Variants in LRP6 observed in about 807,000 individuals in gnomAD.
LRP6 encodes low-density lipoprotein receptor-related protein 6.
Under a neutral mutation model 184.1 loss-of-function variants are expected in LRP6, and 43 were observed. The ratio of observed to expected loss-of-function variants is 0.23; its 90% CI spans 0.18 to 0.30. LRP6 has a LOEUF of 0.30. Among genes scored for constraint, LRP6 ranks in the 10% least tolerant of loss-of-function variants. LRP6 has a pLI of 1.00. For missense variants in LRP6, 1,571 were observed against 2,005.3 expected (o/e 0.78, Z 4.14); for synonymous variants, 719 against 684.9 (o/e 1.05, Z -0.78).
intron 2 of LRP6, among the ~76,000 whole-genome samples, chr12:12,209,233 T>C (rs1864144385): frequency 1.3e-5 from 2 of 152,190 alleles, no homozygotes; most frequent in African/African-American, 4.8e-5. Flanking sequence ...TTTAGGTAGG[T>C]TTCCTAACTG....
Position 12,120,053 on chromosome 12 carries a change from G to A in LRP6, c.*1073C>T, listed in dbSNP as rs1269191105. On this transcript the variant is annotated 3_prime_UTR_variant, in exon 23 of 23. Coordinates refer to ENST00000261349, the MANE Select transcript of LRP6 (RefSeq NM_002336.3). ...TATATATATATATATAAATGATTTC[G>A]TACTGTGATATATGCTGAAAGTAGT... 1.1e-4 allele frequency: 11 copies of A among 99,196 alleles called. No individual in the cohort carries two copies. The highest frequency in any genetic ancestry group is 3.8e-4 in the South Asian group (1 of 2,666). The allele number at this position is 99,196 out of a possible 1,614,324, so 6.1% of individuals were successfully genotyped here. A position where few individuals can be genotyped will look rare whatever the true frequency, so the allele number is the denominator to read the frequency against.
At chr12:12,151,174 T>G (rs1300253925) in intron 12 of LRP6, 136 bp from the exon 13 acceptor site, 1 of 791,692 alleles carries the variant, frequency 1.3e-6, no homozygotes, top group African/African-American at 1.7e-5. Context: ...GAGGACAAAA[T>G]TCTTTGGCAT....
At chr12:12,256,889 C>T (rs1298853566) in intron 1 of LRP6, among the ~76,000 whole-genome samples, 1 of 152,186 alleles carries the variant, frequency 6.6e-6, no homozygotes, top group Admixed American at 6.5e-5. Flanking sequence ...ATCAAACCCA[C>T]ACTCATTTGA....
At chr12:12,179,691 G>T (rs879499654) in intron 7 of LRP6, 119 bp downstream of exon 7, 2 of 1,007,050 alleles carry the variant, frequency 2.0e-6, no homozygotes, top group Non-Finnish European at 3.0e-6. Flanking sequence ...TCTGTAAAAG[G>T]TACCTTTGGC....
At chr12:12,240,966 C>CT (rs1865050375) in intron 2 of LRP6, among the ~76,000 whole-genome samples, 2 of 152,032 alleles carry the variant, frequency 1.3e-5, no homozygotes, top group African/African-American at 4.8e-5. Context: ...CTGTATACTG[C>CT]TAGTCATTAT....
chr12:12,187,196 A>G, intron 3 of LRP6, 77 bp from the exon 4 acceptor site: 1 of 1,222,698 alleles, frequency 8.2e-7, no homozygotes, highest in Non-Finnish European at 1.2e-6. Context: ...CTCCCATTAA[A>G]ATGATCTTAG....
At chr12:12,245,067 T>C (rs554333362) in intron 1 of LRP6, among the ~76,000 whole-genome samples, 1 of 152,172 alleles carries the variant, frequency 6.6e-6, no homozygotes, top group Non-Finnish European at 1.5e-5. Context: ...TCCAAGGCAA[T>C]AGCTAGATAC....
intron 3 of LRP6, among the ~76,000 whole-genome samples, chr12:12,197,686 G>C (rs1237707863): frequency 6.6e-6 from 1 of 152,152 alleles, no homozygotes; most frequent in Non-Finnish European, 1.5e-5. Context: ...CTTACTTGAT[G>C]CAACAATATA....
At chr12:12,140,141 C>A (rs1225324087) in intron 15 of LRP6, among the ~76,000 whole-genome samples, 1 of 150,208 alleles carries the variant, frequency 6.7e-6, no homozygotes, top group Non-Finnish European at 1.5e-5. Context: ...ACAAACACAA[C>A]AAAGGAACTT....
At chr12:12,209,303 T>G (rs1328703263) in intron 2 of LRP6, among the ~76,000 whole-genome samples, 1 of 152,238 alleles carries the variant, frequency 6.6e-6, no homozygotes, top group East Asian at 1.9e-4. Flanking sequence ...AAATAAAATG[T>G]TACAAATGAG....
rs199953311 is a variant in LRP6, at chr12:12,126,758, A to G, written c.4245T>C (p.Val1415=). The change falls in exon 20 of 23, where the codon GTT becomes GTC. Residue 1415 remains valine, a synonymous_variant. Transcript: ENST00000261349. The part of the protein sequence containing the change: ...DGETMTNDYV[V]HGPASVPLGY... ...CAAGAGGCACAGAAGCTGGTCCATG[A>G]ACTACATAGTCATTAGTCATAGTTT... The G allele has an allele frequency of 1.9e-6, 3 of 1,614,136 alleles. No homozygotes were observed. The African/African-American group carries it at 4.0e-5, about 22-fold the overall frequency.
intron 2 of LRP6, among the ~76,000 whole-genome samples, chr12:12,206,602 T>C (rs2137050730): frequency 6.6e-6 from 1 of 150,872 alleles, no homozygotes; most frequent in East Asian, 2.0e-4. Flanking sequence ...AAAGGCACTT[T>C]AAGACTTTTA....
At chr12:12,219,889 G>A (rs146509372) in intron 2 of LRP6, among the ~76,000 whole-genome samples, 76 of 152,274 alleles carry the variant, frequency 5.0e-4, no homozygotes, top group Admixed American at 1.4e-3. Context: ...GGAGGAGGAC[G>A]TAGAGGTCAA....
chr12:12,126,493 T>C (rs772142993), intron 20 of LRP6, among the ~76,000 whole-genome samples, 198 bp downstream of exon 20: 3 of 152,198 alleles, frequency 2.0e-5, no homozygotes, highest in African/African-American at 4.8e-5. Context: ...GCTTTGACAA[T>C]TTCTACCAAA....
At chr12:12,236,427 C>T (rs951713691) in intron 2 of LRP6, among the ~76,000 whole-genome samples, 1 of 152,192 alleles carries the variant, frequency 6.6e-6, no homozygotes, top group African/African-American at 2.4e-5. Context: ...ACATTTCCTT[C>T]TCTCACAGGG....
intron 2 of LRP6, among the ~76,000 whole-genome samples, chr12:12,224,580 A>C (rs1864569942): frequency 6.6e-6 from 1 of 152,332 alleles, no homozygotes; most frequent in South Asian, 2.1e-4. Context: ...CGAGTTCTCT[A>C]ACACTTATGT....
chr12:12,188,120 A>G (rs776223674), intron 3 of LRP6, among the ~76,000 whole-genome samples: 3 of 151,744 alleles, frequency 2.0e-5, no homozygotes, highest in Admixed American at 1.3e-4. Flanking sequence ...GCTGAGGCAG[A>G]GAACTGCTTG....
Position 12,119,945 on chromosome 12 carries a change from A to C in LRP6, c.*1181T>G, listed in dbSNP as rs528642777. The C allele has an allele frequency of 7.0e-6, 1 of 143,718 alleles. No individual in the cohort carries two copies. The highest frequency in any genetic ancestry group is 2.2e-4 in the South Asian group (1 of 4,500). The allele number at this position is 143,718 out of a possible 1,614,324, so 8.9% of individuals were successfully genotyped here. On this transcript the variant is annotated 3_prime_UTR_variant, in exon 23 of 23. Coordinates refer to ENST00000261349, the MANE Select transcript of LRP6 (RefSeq NM_002336.3). ...CTTTTTAAATAGATTGTCTCTAACC[A>C]GAACATATTTAAATGTTTTACTCAG...
At chr12:12,261,225 C>T (rs963802027) in intron 1 of LRP6, among the ~76,000 whole-genome samples, 1 of 152,092 alleles carries the variant, frequency 6.6e-6, no homozygotes, top group Non-Finnish European at 1.5e-5. Flanking sequence ...TCGAGACCAT[C>T]CTGGCTAACA....
Sources: allele counts gnomAD v4.1 joint callset (sites outside exome capture counted in the v4.1 genomes callset), GRCh38; gene constraint gnomAD v4.1.1; transcripts MANE v1.5; gene names NCBI Gene and HGNC (gene_info 2026-07-23, HGNC 2026-07-21).